SCFD2: variants seen among roughly 807,000 people sequenced by gnomAD.
The protein encoded by SCFD2 is sec1 family domain-containing protein 2.
SCFD2 carries 54 observed loss-of-function variants against 58.9 expected under a neutral mutation model. The ratio of observed to expected loss-of-function variants is 0.92; its 90% CI spans 0.74 to 1.15. The LOEUF (loss-of-function observed/expected upper bound fraction) is 1.15. Ranked by LOEUF, SCFD2 falls within the 50% of genes most tolerant of loss-of-function variation. SCFD2 has a pLI of 0.00. For synonymous variants in SCFD2, 321 were observed against 335.9 expected (o/e 0.96, Z 0.49); for missense variants, 805 against 836.6 (o/e 0.96, Z 0.47).
chr4:53,162,067 C>T (rs1201918057), intron 4 of SCFD2, among the ~76,000 whole-genome samples: 2 of 152,176 alleles, frequency 1.3e-5, no homozygotes, highest in Non-Finnish European at 2.9e-5. Context: ...TTTGCTTGAG[C>T]TCTTGGTAAA....
chr4:53,273,827 TGAA>T lies in SCFD2; in HGVS notation c.1307_1309del (p.Leu436del), dbSNP rs1731249222. 2 of 1,611,628 alleles carry T rather than the reference TGAA, an allele frequency of 1.2e-6. No individual in the cohort carries two copies. The highest frequency in any genetic ancestry group is 1.7e-6 in the Non-Finnish European group (2 of 1,178,868). Reference sequence around the variant, plus strand: ...CACGAGGTTCCCATAGCAACATACCTGAAGAAGGAGCCTTTCAAAAGCCAGAAA... The same window carrying T: ...CACGAGGTTCCCATAGCAACATACCTGAAGGAGCCTTTCAAAAGCCAGAAA... On this transcript the variant is annotated inframe_deletion and splice_region_variant, in exon 4 of 9. Coordinates refer to ENST00000401642, the MANE Select transcript of SCFD2 (RefSeq NM_152540.4).
intron 4 of SCFD2, among the ~76,000 whole-genome samples, chr4:53,203,409 A>G (rs1055631849): frequency 1.3e-5 from 2 of 152,058 alleles, no homozygotes; most frequent in Admixed American, 6.6e-5. Flanking sequence ...ATAACTAAAG[A>G]TCTGTAAGTT....
At chr4:53,209,423 A>T (rs1728535021) in intron 4 of SCFD2, among the ~76,000 whole-genome samples, 1 of 152,180 alleles carries the variant, frequency 6.6e-6, no homozygotes, top group Non-Finnish European at 1.5e-5. Context: ...TTCAAAGACC[A>T]AGTGGAAGTT....
At chr4:52,990,423 T>C (rs886695596) in intron 5 of SCFD2, among the ~76,000 whole-genome samples, 3 of 152,226 alleles carry the variant, frequency 2.0e-5, no homozygotes, top group Admixed American at 6.5e-5. Flanking sequence ...AAGTGAATTA[T>C]CTAATTCAGG....
chr4:53,019,285 G>A (rs1049755694), intron 5 of SCFD2, among the ~76,000 whole-genome samples: 1 of 152,054 alleles, frequency 6.6e-6, no homozygotes, highest in African/African-American at 2.4e-5. Context: ...ACAAACTTTT[G>A]AAAATGAATA....
intron 5 of SCFD2, chr4:52,956,511 T>A (rs1467927466): frequency 3.2e-6 from 1 of 308,272 alleles, no homozygotes; most frequent in Non-Finnish European, 6.4e-6. Context: ...TTTCTGTCTC[T>A]TGTCTCTTCT....
chr4:53,341,713 T>C (rs1733881418), intron 2 of SCFD2, among the ~76,000 whole-genome samples: 1 of 152,056 alleles, frequency 6.6e-6, no homozygotes, highest in Non-Finnish European at 1.5e-5. Flanking sequence ...GAGAGAAAGG[T>C]CGGGTTACCC....
At chr4:53,236,482 G>T (rs1577876052) in intron 4 of SCFD2, among the ~76,000 whole-genome samples, 1 of 140,772 alleles carries the variant, frequency 7.1e-6, no homozygotes, top group East Asian at 2.1e-4. Context: ...CATTAGTTCT[G>T]TCCCTCTAAG....
intron 5 of SCFD2, among the ~76,000 whole-genome samples, chr4:52,985,589 A>G (rs997243352): frequency 2.0e-5 from 3 of 151,678 alleles, no homozygotes; most frequent in Non-Finnish European, 2.9e-5. Flanking sequence ...GTTTTATTCT[A>G]TTAAGAAATC....
At chr4:52,874,767 A>C (rs1316630102) in intron 8 of SCFD2, among the ~76,000 whole-genome samples, 2 of 152,114 alleles carry the variant, frequency 1.3e-5, no homozygotes, top group Non-Finnish European at 2.9e-5. Context: ...ATACAGTCAC[A>C]CTGGATTAGA....
At chr4:53,030,234 T>G (rs1356552229) in intron 5 of SCFD2, among the ~76,000 whole-genome samples, 1 of 152,146 alleles carries the variant, frequency 6.6e-6, no homozygotes, top group East Asian at 1.9e-4. Context: ...CTCAGTATCA[T>G]TAGTCATTAG....
intron 2 of SCFD2, among the ~76,000 whole-genome samples, chr4:53,314,988 G>T (rs1261713277): frequency 6.6e-6 from 1 of 152,062 alleles, no homozygotes; most frequent in Admixed American, 6.5e-5. Flanking sequence ...ATTTGGTTGG[G>T]ATACAGATTT....
At chr4:53,108,459 A>G (rs1264690629) in intron 5 of SCFD2, among the ~76,000 whole-genome samples, 1 of 152,160 alleles carries the variant, frequency 6.6e-6, no homozygotes, top group East Asian at 1.9e-4. Flanking sequence ...AACAAAATAG[A>G]TAAGTGACTA....
intron 5 of SCFD2, among the ~76,000 whole-genome samples, chr4:52,989,916 A>G (rs1450220500): frequency 1.3e-5 from 2 of 151,582 alleles, no homozygotes; most frequent in Non-Finnish European, 2.9e-5. Flanking sequence ...CTCTGTCTAC[A>G]CTCTGCACAT....
At chr4:53,247,668 G>A (rs1033931581) in intron 4 of SCFD2, among the ~76,000 whole-genome samples, 2 of 150,826 alleles carry the variant, frequency 1.3e-5, no homozygotes, top group African/African-American at 4.9e-5. Context: ...GACCATCCTG[G>A]CTAACAAGGT....
chr4:53,336,238 A>C (rs1733679065), intron 2 of SCFD2, among the ~76,000 whole-genome samples: 1 of 152,200 alleles, frequency 6.6e-6, no homozygotes, highest in Admixed American at 6.5e-5. Flanking sequence ...CTGAGCTCTA[A>C]TATTGGAAAA....
At chr4:53,150,553 G>A (rs1726474941) in intron 4 of SCFD2, among the ~76,000 whole-genome samples, 1 of 152,190 alleles carries the variant, frequency 6.6e-6, no homozygotes, top group African/African-American at 2.4e-5. Context: ...TCCATAGATT[G>A]AAAATGTTTT....
chr4:52,966,287 G>GT (rs1720961375), intron 5 of SCFD2, among the ~76,000 whole-genome samples: 1 of 152,200 alleles, frequency 6.6e-6, no homozygotes, highest in Non-Finnish European at 1.5e-5. Flanking sequence ...TTATACGTGT[G>GT]TTTTTTATGA....
chr4:53,025,673 G>T lies in SCFD2; in HGVS notation c.1562-104803C>A, dbSNP rs1577668138. Among the ~76,000 whole-genome samples the T allele has an allele frequency of 2.0e-5, 3 of 152,172 alleles. No individual in the cohort carries two copies. The East Asian group carries it at 5.8e-4, about 29-fold the overall frequency. On this transcript the variant is annotated intron_variant, in intron 5 of 8. Coordinates refer to ENST00000401642, the MANE Select transcript of SCFD2 (RefSeq NM_152540.4). ...ATGCTAAAAATTTGAGTTAAAAAAA[G>T]AGATTTTGAAAAAGCTATTCAATTG... is the stretch of plus-strand genomic sequence containing the variant.
Sources: gnomAD v4.1 joint callset for allele counts (sites outside exome capture counted in the v4.1 genomes callset) on GRCh38, gnomAD v4.1.1 for gene constraint, MANE v1.5 for transcripts, NCBI Gene and HGNC (gene_info 2026-07-23, HGNC 2026-07-21) for gene names.